CTNNA2: variants seen among roughly 807,000 people sequenced by gnomAD.
CTNNA2 encodes the protein catenin alpha-2.
In CTNNA2, 42 loss-of-function variants were observed where a neutral mutation model predicts 101.0. The ratio of observed to expected loss-of-function variants is 0.42; its 90% CI spans 0.32 to 0.54. The LOEUF (loss-of-function observed/expected upper bound fraction) is 0.54, where lower values mean the gene tolerates loss of function less well. Ranked by LOEUF, CTNNA2 falls within the 20% of genes least tolerant of loss-of-function variation. The pLI, the probability that CTNNA2 is intolerant of heterozygous loss-of-function variation, is 0.14. For synonymous variants in CTNNA2, 450 were observed against 456.4 expected (o/e 0.99, Z 0.18); for missense variants, 871 against 1,223.1 (o/e 0.71, Z 4.29).
intron 7 of CTNNA2, among the ~76,000 whole-genome samples, chr2:80,115,554 G>T (rs545720203): frequency 6.6e-6 from 1 of 152,278 alleles, no homozygotes; most frequent in South Asian, 2.1e-4. Flanking sequence ...GCCAGTAAAA[G>T]CAAGTTGACA....
chr2:79,794,287 A>G (rs1675522691), intron 3 of CTNNA2, among the ~76,000 whole-genome samples: 1 of 152,168 alleles, frequency 6.6e-6, no homozygotes, highest in Non-Finnish European at 1.5e-5. Context: ...GTTGGTGCAA[A>G]AGTAATTGTG....
chr2:79,791,208 G>A (rs933500748), intron 3 of CTNNA2, among the ~76,000 whole-genome samples: 4 of 152,120 alleles, frequency 2.6e-5, no homozygotes, highest in African/African-American at 9.7e-5. Context: ...TCTGTTCAAT[G>A]GTTGTCACTG....
chr2:79,220,761 C>A (rs1674332327), intron 2 of CTNNA2, among the ~76,000 whole-genome samples: 1 of 152,134 alleles, frequency 6.6e-6, no homozygotes, highest in Non-Finnish European at 1.5e-5. Flanking sequence ...AAGTTATATT[C>A]TAGCATGACC....
At chr2:80,454,878 G>A (rs1035144480) in intron 9 of CTNNA2, among the ~76,000 whole-genome samples, 1 of 152,228 alleles carries the variant, frequency 6.6e-6, no homozygotes, top group Non-Finnish European at 1.5e-5. Context: ...CTCTGATGAT[G>A]GGCTAGCCCG....
chr2:79,760,007 A>G (rs968708811), intron 3 of CTNNA2, among the ~76,000 whole-genome samples: 8 of 152,200 alleles, frequency 5.3e-5, no homozygotes, highest in African/African-American at 1.7e-4. Flanking sequence ...GCGGTATAGC[A>G]TATTCGTTAA....
At chr2:79,196,112 T>C (rs2104169911) in intron 1 of CTNNA2, among the ~76,000 whole-genome samples, 2 of 152,224 alleles carry the variant, frequency 1.3e-5, no homozygotes, top group African/African-American at 4.8e-5. Flanking sequence ...GTTTGTCTTT[T>C]TAGTAGAGAC....
At chr2:80,279,262 C>T (rs977712034) in intron 7 of CTNNA2, among the ~76,000 whole-genome samples, 3 of 152,116 alleles carry the variant, frequency 2.0e-5, no homozygotes, top group African/African-American at 7.2e-5. Context: ...CTTTCCAGCA[C>T]TCCAGGCTCT....
chr2:79,972,171 C>G (rs1690532575), intron 7 of CTNNA2, among the ~76,000 whole-genome samples: 1 of 152,148 alleles, frequency 6.6e-6, no homozygotes, highest in African/African-American at 2.4e-5. Context: ...AAGAGTCTGC[C>G]ACACAAAAGG....
chr2:80,333,608 C>T (rs957822994), intron 7 of CTNNA2, among the ~76,000 whole-genome samples: 22 of 152,158 alleles, frequency 1.4e-4, no homozygotes, highest in African/African-American at 4.6e-4. Flanking sequence ...AGAAAGCCAG[C>T]CACCACCTTT....
At chr2:80,010,256 G>T (rs1209967805) in intron 7 of CTNNA2, among the ~76,000 whole-genome samples, 1 of 152,140 alleles carries the variant, frequency 6.6e-6, no homozygotes, top group African/African-American at 2.4e-5. Flanking sequence ...GACTGAGACA[G>T]AACTCAAGAT....
intron 1 of CTNNA2, among the ~76,000 whole-genome samples, chr2:79,186,510 C>T (rs1217981930): frequency 6.6e-6 from 1 of 152,158 alleles, no homozygotes; most frequent in Non-Finnish European, 1.5e-5. Flanking sequence ...TCAATGCGCT[C>T]AACTAACTTA....
chr2:80,506,169 G>C (rs929086695), intron 9 of CTNNA2, among the ~76,000 whole-genome samples: 11 of 152,170 alleles, frequency 7.2e-5, no homozygotes, highest in African/African-American at 2.7e-4. Flanking sequence ...TTACTAGTGG[G>C]CTGCATGACT....
intron 14 of CTNNA2, among the ~76,000 whole-genome samples, chr2:80,587,536 C>G (rs1558618428): frequency 1.3e-5 from 2 of 152,126 alleles, no homozygotes; most frequent in African/African-American, 2.4e-5. Flanking sequence ...CTGAAGAGAT[C>G]AACGATAGAT....
chr2:80,044,930 G>A (rs898874961), intron 7 of CTNNA2, among the ~76,000 whole-genome samples: 2 of 152,104 alleles, frequency 1.3e-5, no homozygotes, highest in Non-Finnish European at 1.5e-5. Context: ...GAGATATGGG[G>A]TATGGATGCT....
At chr2:80,487,563 T>C (rs1686692697) in intron 9 of CTNNA2, among the ~76,000 whole-genome samples, 1 of 152,032 alleles carries the variant, frequency 6.6e-6, no homozygotes, top group Non-Finnish European at 1.5e-5. Flanking sequence ...GAGAACTCAT[T>C]TACTATCACG....
intron 12 of CTNNA2, among the ~76,000 whole-genome samples, chr2:80,560,740 T>C (rs1693510846): frequency 6.6e-6 from 1 of 152,176 alleles, no homozygotes; most frequent in African/African-American, 2.4e-5. Flanking sequence ...CTAGTCTCAG[T>C]TGGAGACCAC....
intron 2 of CTNNA2, among the ~76,000 whole-genome samples, chr2:79,294,870 T>C (rs1368165671): frequency 2.0e-5 from 3 of 152,158 alleles, no homozygotes. Context: ...TATCTGCTGA[T>C]TGACATATTA....
intron 7 of CTNNA2, among the ~76,000 whole-genome samples, chr2:80,163,380 G>C (rs1316240336): frequency 6.6e-6 from 1 of 152,092 alleles, no homozygotes; most frequent in Non-Finnish European, 1.5e-5. Flanking sequence ...ATTAAGAAGT[G>C]TGTTGTTTAG....
chr2:80,231,182 C>G (rs1709189782), intron 7 of CTNNA2, among the ~76,000 whole-genome samples: 1 of 152,050 alleles, frequency 6.6e-6, no homozygotes, highest in African/African-American at 2.4e-5. Flanking sequence ...CCATGTTGGC[C>G]AGGCTGGTCT....
Sources: gnomAD v4.1 joint callset for allele counts (sites outside exome capture counted in the v4.1 genomes callset) on GRCh38, gnomAD v4.1.1 for gene constraint, MANE v1.5 for transcripts, NCBI Gene and HGNC (gene_info 2026-07-23, HGNC 2026-07-21) for gene names.